Variants in NAE1 observed in about 807,000 individuals in gnomAD.
NAE1 encodes the protein NEDD8-activating enzyme E1 regulatory subunit.
Under a neutral mutation model 88.0 loss-of-function variants are expected in NAE1, and 59 were observed. The observed-to-expected ratio is 0.67, with a 90% CI of 0.54 to 0.83. The LOEUF (loss-of-function observed/expected upper bound fraction) is 0.83. NAE1 is among the 40% of genes least tolerant of loss of function. The pLI is 0.00. For synonymous variants in NAE1, 186 were observed against 208.9 expected (o/e 0.89, Z 0.95); for missense variants, 554 against 632.8 (o/e 0.88, Z 1.34).
At position 66,810,693 on chromosome 16, in the gene NAE1, T is replaced by C. The variant is rs755079628; in HGVS notation, c.1110+4A>G. 5 of 1,613,416 alleles carry C rather than the reference T, an allele frequency of 3.1e-6. No homozygotes were observed. In the South Asian group the frequency reaches 5.5e-5, roughly 18 times the overall value. On this transcript the variant is annotated splice_donor_region_variant and intron_variant, in intron 14 of 19. Coordinates refer to ENST00000290810, the MANE Select transcript of NAE1 (RefSeq NM_003905.4). ...GTATGGGCACAGTGTGCCCAGTAGC[T>C]TACCTGGCCAATGGACTGCAGCAAT...
chr16:66,823,258 T>C lies in NAE1; in HGVS notation c.370A>G (p.Thr124Ala), dbSNP rs766212429. The C allele has an allele frequency of 3.7e-6, 6 of 1,605,368 alleles. No homozygotes were observed. Among genetic ancestry groups the C allele is most frequent in the Non-Finnish European group, 8.5e-7 (1 of 1,176,942 alleles). Reference protein sequence around the residue: ...DNDPSFFCRFTVVVATQLPES... With the variant: ...DNDPSFFCRFAVVVATQLPES... ...GGAAGCTGAGTTGCAACTACAACAG[T>C]AAACCTACAGAAAAATGAGGGATCA... is the stretch of plus-strand genomic sequence containing the variant. Residue 124 changes from threonine (T) to alanine (A), a missense_variant, in exon 6 of 20, where the codon ACT becomes GCT. Physicochemically the swap from Thr to Ala is moderately conservative, Grantham distance 58. Coordinates refer to ENST00000290810, the MANE Select transcript of NAE1 (RefSeq NM_003905.4).
chr16:66,807,334 C>T (rs923169917), intron 17 of NAE1, among the ~76,000 whole-genome samples: 3 of 151,892 alleles, frequency 2.0e-5, no homozygotes, highest in Admixed American at 2.0e-4. Context: ...TTCTAGTAAG[C>T]TTGCTTGTTA....
intron 6 of NAE1, among the ~76,000 whole-genome samples, chr16:66,822,019 A>G (rs908887026): frequency 1.3e-5 from 2 of 152,048 alleles, no homozygotes; most frequent in African/African-American, 4.8e-5. Context: ...ACAAGCAGGC[A>G]CACCATCTGG....
rs770972588 is a variant in NAE1, at chr16:66,817,372, T to C, written c.684+53A>G. 1.5e-5 allele frequency: 21 copies of C among 1,398,278 alleles called. 1 individual carries two copies. In the South Asian group the frequency reaches 2.5e-4, roughly 16 times the overall value. 86.6% of individuals were successfully genotyped at this position (1,398,278 alleles called of 1,614,324 possible). A position where few individuals can be genotyped will look rare whatever the true frequency, so the allele number is the denominator to read the frequency against. Reference sequence around the variant, plus strand: ...CATTCCCCATCAAGGAAATCCTTTGTAAGAAACTGAAAATACAGTTGCATA... The same window carrying C: ...CATTCCCCATCAAGGAAATCCTTTGCAAGAAACTGAAAATACAGTTGCATA... On this transcript the variant is annotated intron_variant, in intron 9 of 19. Transcript: ENST00000290810.
At position 66,821,464 on chromosome 16, in the gene NAE1, A is replaced by G. The variant is rs773963614; in HGVS notation, c.497T>C (p.Ile166Thr). 6.3e-6 allele frequency: 10 copies of G among 1,574,978 alleles called. No individual in the cohort carries two copies. In the Admixed American group the frequency reaches 9.7e-5, roughly 15 times the overall value. The part of the protein sequence containing the change: ...YGLVGYMRII[I>T]KEHPVIESHP... ...AACAATTTTACCTGGATGTTCTTTTATAATGATCCTCATATAACCAACTAG... is the reference window on the plus strand; with the variant it reads ...AACAATTTTACCTGGATGTTCTTTTGTAATGATCCTCATATAACCAACTAG... Residue 166 changes from isoleucine (I) to threonine (T), a missense_variant, in exon 7 of 20, where the codon ATA becomes ACA. By Grantham distance (89) the Ile-to-Thr change is moderately conservative. Transcript: ENST00000290810.
chr16:66,810,879 T>A, intron 13 of NAE1, 107 bp from the exon 14 acceptor site: 1 of 876,636 alleles, frequency 1.1e-6, no homozygotes, highest in Admixed American at 2.0e-5. Flanking sequence ...AACACAGGTC[T>A]GACAATGTAT....
At chr16:66,812,501 G>T (rs2145322195) in intron 13 of NAE1, among the ~76,000 whole-genome samples, 1 of 147,818 alleles carries the variant, frequency 6.8e-6, no homozygotes, top group East Asian at 2.0e-4. Flanking sequence ...AACAAGAATT[G>T]CCCCCTAAGT....
At chr16:66,810,864 GA>G in intron 13 of NAE1, 92 bp from the exon 14 acceptor site, 3 of 1,094,736 alleles carry the variant, frequency 2.7e-6, no homozygotes, top group East Asian at 2.4e-5. Context: ...TCCTTTTCAT[GA>G]AAAAACACAG....
intron 9 of NAE1, 193 bp from the exon 10 acceptor site, chr16:66,817,221 A>G: frequency 1.1e-6 from 1 of 906,016 alleles, no homozygotes; most frequent in Non-Finnish European, 1.7e-6. Context: ...CCAGTTTCAT[A>G]ATGACATTTA....
In NAE1 at chr16:66,826,789, CAG is replaced by C. The variant is rs773916540; in HGVS notation, c.54-11_54-10del. 22 of 1,581,506 alleles carry C rather than the reference CAG, an allele frequency of 1.4e-5. No individual in the cohort carries two copies. Among genetic ancestry groups the C allele is most frequent in the Non-Finnish European group, 1.7e-5 (20 of 1,169,094 alleles). ...CATGATCACCCCACAACCTACAAAA[CAG>C]ACACAAATTTGATGTTTTTAAAACT... On this transcript the variant is annotated splice_polypyrimidine_tract_variant and intron_variant, in intron 1 of 19. Coordinates refer to ENST00000290810, the MANE Select transcript of NAE1 (RefSeq NM_003905.4).
intron 6 of NAE1, among the ~76,000 whole-genome samples, chr16:66,822,247 G>C (rs1034201996): frequency 4.6e-5 from 7 of 152,144 alleles, no homozygotes; most frequent in African/African-American, 1.7e-4. Flanking sequence ...ACAATGTTCG[G>C]TTTAACTGCT....
At chr16:66,812,763 C>T (rs1300093676) in intron 13 of NAE1, among the ~76,000 whole-genome samples, 1 of 151,626 alleles carries the variant, frequency 6.6e-6, no homozygotes, top group Non-Finnish European at 1.5e-5. Flanking sequence ...TTGTGATCCA[C>T]CCGTCTCGGC....
Position 66,818,581 on chromosome 16 carries a change from G to A in NAE1, c.568C>T (p.Pro190Ser), listed in dbSNP as rs774945627. Reference sequence around the variant, plus strand: ...GACTGAAAATGTTCTCTCAGTTCAGGAAATGGCTTATCTAGTCGTAGATCC... The same window carrying A: ...GACTGAAAATGTTCTCTCAGTTCAGAAAATGGCTTATCTAGTCGTAGATCC... Reference protein sequence around the residue: ...LEDLRLDKPFPELREHFQSYD... With the variant: ...LEDLRLDKPFSELREHFQSYD... The change falls in exon 8 of 20, where the codon CCT becomes TCT. Residue 190 changes from proline to serine, a missense_variant. By Grantham distance (74) the Pro-to-Ser change is moderately conservative. Coordinates refer to ENST00000290810, the MANE Select transcript of NAE1 (RefSeq NM_003905.4). 4 of 1,612,938 alleles carry A rather than the reference G, an allele frequency of 2.5e-6. No individual in the cohort carries two copies. The highest frequency in any genetic ancestry group is 1.6e-4 in the Middle Eastern group (1 of 6,082).
intron 7 of NAE1, among the ~76,000 whole-genome samples, chr16:66,820,226 T>C (rs363173): frequency 0.51 from 78,129 of 152,036 alleles, 20,876 homozygotes; most frequent in African/African-American, 0.64. Flanking sequence ...AGTAAAAATG[T>C]TTTCTTGAGT....
intron 13 of NAE1, among the ~76,000 whole-genome samples, chr16:66,812,643 G>A (rs1315428176): frequency 1.4e-5 from 2 of 147,262 alleles, no homozygotes; most frequent in East Asian, 2.1e-4. Flanking sequence ...TCAGCCTCCC[G>A]AATAGCTGGG....
intron 7 of NAE1, among the ~76,000 whole-genome samples, chr16:66,821,024 G>A (rs187150792): frequency 1.7e-3 from 253 of 152,230 alleles, no homozygotes; most frequent in Middle Eastern, 3.4e-3. Context: ...AGCCAAGATT[G>A]TGCCATTGTA....
At chr16:66,808,775 A>G in intron 16 of NAE1, 162 bp from the exon 17 acceptor site, 2 of 644,210 alleles carry the variant, frequency 3.1e-6, no homozygotes, top group East Asian at 2.9e-5. Flanking sequence ...CATATCACAC[A>G]ATGGACTCAG....
Position 66,821,537 on chromosome 16 carries a change from C to T in NAE1, c.424G>A (p.Val142Ile), listed in dbSNP as rs1272954842. 1.9e-6 allele frequency: 3 copies of T among 1,598,540 alleles called. No individual in the cohort carries two copies. The highest frequency in any genetic ancestry group is 3.5e-5 in the Admixed American group (2 of 57,548). ...PESTSLRLAD[V>I]LWNSQIPLLI... The stretch of plus-strand genomic sequence containing the variant: ...AGAGGAATCTGGGAATTCCAGAGGA[C>T]ATCTGCTAAGCGTAGTGAAGTGCTG... Residue 142 changes from valine to isoleucine, a missense_variant, in exon 7 of 20, where the codon GTC (valine) becomes ATC (isoleucine). By Grantham distance (29) the Val-to-Ile change is conservative. Coordinates refer to ENST00000290810, the MANE Select transcript of NAE1 (RefSeq NM_003905.4).
intron 1 of NAE1, 152 bp from the exon 2 acceptor site, chr16:66,826,932 A>T (rs1442226443): frequency 2.9e-6 from 2 of 692,308 alleles, no homozygotes; most frequent in Non-Finnish European, 2.4e-6. Context: ...TATAGTGATT[A>T]TACAGTAATC....
Sources: allele counts gnomAD v4.1 joint callset (sites outside exome capture counted in the v4.1 genomes callset), GRCh38; gene constraint gnomAD v4.1.1; transcripts MANE v1.5; gene names NCBI Gene and HGNC (gene_info 2026-07-23, HGNC 2026-07-21).